ZNF385D: variants seen among roughly 807,000 people sequenced by gnomAD.
ZNF385D encodes the protein zinc finger protein 385D.
A neutral mutation model predicts 35.8 loss-of-function variants in ZNF385D; 15 were observed. The observed-to-expected ratio is 0.42, with a 90% CI of 0.28 to 0.64. ZNF385D has a LOEUF of 0.64. ZNF385D is among the 30% of genes least tolerant of loss of function. The pLI is 0.23. For synonymous variants in ZNF385D, 212 were observed against 186.8 expected (o/e 1.13, Z -1.10); for missense variants, 474 against 494.6 (o/e 0.96, Z 0.39).
In ZNF385D at chr3:22,301,272, T is replaced by C. The variant is rs544990753; in HGVS notation, c.106+71178A>G. 4.6e-5 allele frequency among the ~76,000 whole-genome samples: 7 copies of C among 152,026 alleles called. No homozygotes were observed. In the South Asian group the frequency reaches 1.5e-3, roughly 32 times the overall value. On this transcript the variant is annotated intron_variant, in intron 2 of 5. Coordinates refer to the ZNF385D transcript ENST00000494108. Reference sequence around the variant, plus strand: ...AAGAGGAAAATGGTGGTTACAAGGATTGGAGTTTGGGGTGGAGCCAAAGGT... The same window carrying C: ...AAGAGGAAAATGGTGGTTACAAGGACTGGAGTTTGGGGTGGAGCCAAAGGT...
At chr3:21,480,246 G>A (rs1224811258) in intron 4 of ZNF385D, among the ~76,000 whole-genome samples, 1 of 151,722 alleles carries the variant, frequency 6.6e-6, no homozygotes, top group African/African-American at 2.4e-5. Flanking sequence ...TGGATTACAG[G>A]CACCCACCAC....
intron 3 of ZNF385D, among the ~76,000 whole-genome samples, chr3:21,863,384 G>T (rs1334034149): frequency 6.6e-6 from 1 of 152,134 alleles, no homozygotes; most frequent in Non-Finnish European, 1.5e-5. Context: ...ACTGTAGGCA[G>T]TCATTATTTG....
chr3:22,178,154 C>T (rs1012651625), intron 2 of ZNF385D, among the ~76,000 whole-genome samples: 2 of 152,144 alleles, frequency 1.3e-5, no homozygotes, highest in Admixed American at 6.5e-5. Flanking sequence ...CCTGAGGAAT[C>T]GCCACACCGA....
rs1053092401 is a variant in ZNF385D at position 21,756,386 on chromosome 3, A to G, written c.326-91358T>C. 5.9e-5 allele frequency among the ~76,000 whole-genome samples: 9 copies of G among 152,276 alleles called. No homozygotes were observed. The South Asian group carries it at 1.9e-3, about 32-fold the overall frequency. On this transcript the variant is annotated intron_variant, in intron 3 of 5. Coordinates refer to the ZNF385D transcript ENST00000494108. ...TCCACTAATTCAGGAAAAAACTTTG[A>G]GAGAACTTGCTTTAGGGGAGGTTAG...
At chr3:21,595,628 T>C (rs2064108317) in intron 2 of ZNF385D, among the ~76,000 whole-genome samples, 1 of 152,058 alleles carries the variant, frequency 6.6e-6, no homozygotes, top group South Asian at 2.1e-4. Context: ...TAGTTTACTA[T>C]TTTTTAATTT....
intron 2 of ZNF385D, among the ~76,000 whole-genome samples, chr3:22,250,531 C>A (rs1344393471): frequency 6.6e-6 from 1 of 152,054 alleles, no homozygotes; most frequent in Non-Finnish European, 1.5e-5. Flanking sequence ...CCTGACAATA[C>A]ATAAGCAAAA....
chr3:21,983,262 C>T (rs1372461173), intron 3 of ZNF385D, among the ~76,000 whole-genome samples: 3 of 143,064 alleles, frequency 2.1e-5, no homozygotes, highest in African/African-American at 5.1e-5. Context: ...GCGCTGCACC[C>T]ACTAACTCGT....
At chr3:21,845,881 A>G (rs1695974859) in intron 3 of ZNF385D, among the ~76,000 whole-genome samples, 1 of 152,022 alleles carries the variant, frequency 6.6e-6, no homozygotes, top group Admixed American at 6.6e-5. Context: ...ATATTTAGAG[A>G]TTCACACAAA....
intron 3 of ZNF385D, among the ~76,000 whole-genome samples, chr3:22,033,134 G>C (rs1268853832): frequency 6.6e-6 from 1 of 152,082 alleles, no homozygotes; most frequent in African/African-American, 2.4e-5. Flanking sequence ...GGGCACAGTG[G>C]CGCACTCTTG....
intron 3 of ZNF385D, among the ~76,000 whole-genome samples, chr3:21,782,731 TCTA>T (rs1405069465): frequency 1.1e-4 from 16 of 152,146 alleles, no homozygotes; most frequent in African/African-American, 3.1e-4. Context: ...GAAAATATGT[TCTA>T]CTACTTTTAG....
At chr3:21,937,662 T>C (rs1701325164) in intron 3 of ZNF385D, among the ~76,000 whole-genome samples, 1 of 151,358 alleles carries the variant, frequency 6.6e-6, no homozygotes, top group Non-Finnish European at 1.5e-5. Context: ...TAAATGACGT[T>C]ATTTTCATGA....
At chr3:22,312,440 G>T (rs189799659) in intron 2 of ZNF385D, among the ~76,000 whole-genome samples, 8 of 152,150 alleles carry the variant, frequency 5.3e-5, no homozygotes, top group Admixed American at 3.9e-4. Context: ...CACAGCAAAA[G>T]AAACTACCAT....
chr3:22,166,702 C>T (rs998579010), intron 3 of ZNF385D, among the ~76,000 whole-genome samples: 1 of 152,194 alleles, frequency 6.6e-6, no homozygotes, highest in African/African-American at 2.4e-5. Flanking sequence ...TACCTACTAT[C>T]GTGGTTTGAA....
At chr3:21,877,534 T>C (rs1698043109) in intron 3 of ZNF385D, among the ~76,000 whole-genome samples, 1 of 152,070 alleles carries the variant, frequency 6.6e-6, no homozygotes, top group Admixed American at 6.6e-5. Context: ...TAAGGCACAA[T>C]AGACGACTGG....
intron 1 of ZNF385D, among the ~76,000 whole-genome samples, chr3:21,716,950 C>A (rs550049922): frequency 2.8e-4 from 42 of 151,976 alleles, no homozygotes; most frequent in African/African-American, 9.9e-4. Context: ...GGTGAAACCC[C>A]GTCTCTACTA....
intron 5 of ZNF385D, among the ~76,000 whole-genome samples, chr3:21,432,520 C>A (rs1033457527): frequency 4.0e-5 from 6 of 151,420 alleles, no homozygotes; most frequent in South Asian, 2.1e-4. Context: ...TTCTTTTTTT[C>A]TTTCAAATTT....
chr3:22,085,365 T>C (rs1259469490), intron 3 of ZNF385D, among the ~76,000 whole-genome samples: 1 of 151,850 alleles, frequency 6.6e-6, no homozygotes, highest in East Asian at 1.9e-4. Flanking sequence ...AAGAATCAAA[T>C]AGATGCAATA....
chr3:21,918,576 A>G (rs1405224217), intron 3 of ZNF385D, among the ~76,000 whole-genome samples: 4 of 152,192 alleles, frequency 2.6e-5, no homozygotes, highest in Non-Finnish European at 5.9e-5. Context: ...AATCATGTCA[A>G]TAGTTTTAGT....
intron 3 of ZNF385D, among the ~76,000 whole-genome samples, chr3:21,931,676 T>C (rs1300475432): frequency 6.6e-6 from 1 of 152,152 alleles, no homozygotes; most frequent in East Asian, 1.9e-4. Context: ...GATAAATGGA[T>C]GCCTTCGGCT....
Sources: gnomAD v4.1 joint callset for allele counts (sites outside exome capture counted in the v4.1 genomes callset) on GRCh38, gnomAD v4.1.1 for gene constraint, MANE v1.5 for transcripts, NCBI Gene and HGNC (gene_info 2026-07-23, HGNC 2026-07-21) for gene names.